Variants in BOK observed in about 807,000 individuals in gnomAD.
BOK encodes BCL2 family apoptosis regulator BOK, also known as bcl-2-related ovarian killer protein.
A neutral mutation model predicts 18.3 loss-of-function variants in BOK; 20 were observed. The ratio of observed to expected loss-of-function variants is 1.09; its 90% CI spans 0.77 to 1.59. The LOEUF is 1.59. Among genes scored for constraint, BOK ranks in the 40% most tolerant of loss-of-function variants. The pLI is 0.00. For missense variants in BOK, 348 were observed against 307.9 expected (o/e 1.13, Z -0.97); for synonymous variants, 173 against 142.4 (o/e 1.21, Z -1.53).
chr2:241,557,444 G>A (rs141528340), upstream of BOK, among the ~76,000 whole-genome samples: 18,587 of 151,144 alleles, frequency 0.12, 1,357 homozygotes, highest in South Asian at 0.23. Flanking sequence ...TTAGTAGCTG[G>A]GATTACAGAC....
chr2:241,569,287 A>G (rs2066666596), intron 3 of BOK, among the ~76,000 whole-genome samples: 1 of 148,632 alleles, frequency 6.7e-6, no homozygotes. Context: ...GCGTGCCACC[A>G]CGCCTGGCTA....
upstream of BOK, among the ~76,000 whole-genome samples, chr2:241,558,484 C>A (rs56390343): frequency 0.43 from 64,770 of 152,190 alleles, 14,882 homozygotes; most frequent in East Asian, 0.68. Context: ...AAGAACACGT[C>A]TCCAGACTCT....
intron 1 of BOK, among the ~76,000 whole-genome samples, chr2:241,552,699 G>A (rs1439356063): frequency 6.6e-6 from 1 of 152,128 alleles, no homozygotes; most frequent in Admixed American, 6.5e-5. Context: ...ACTTTTAAAC[G>A]CTGACACCCA....
At position 241,562,143 on chromosome 2, in the gene BOK, C is replaced by A. The variant is rs2066534413; in HGVS notation, c.221-205C>A. Among the ~76,000 whole-genome samples the A allele has an allele frequency of 6.6e-6, 1 of 152,210 alleles. No homozygotes were observed. The highest frequency in any genetic ancestry group is 1.5e-5 in the Non-Finnish European group (1 of 68,018). ...GGGGCGCCTTCAGTACTTCCTTGGT[C>A]TTCTGGTCCCTAGGGGCCAAGGTTG... is the stretch of plus-strand genomic sequence containing the variant. On this transcript the variant is annotated intron_variant, in intron 2 of 4. Transcript: ENST00000318407. The surrounding 1 kb of genome is among the most constrained non-coding windows in gnomAD (Gnocchi z 4.5).
At chr2:241,560,736 C>T (rs74562536) in intron 2 of BOK, among the ~76,000 whole-genome samples, 24,069 of 152,096 alleles carry the variant, frequency 0.16, 2,566 homozygotes, top group Non-Finnish European at 0.23. Flanking sequence ...CCATGAGATC[C>T]GCCGCCTGCT....
At chr2:241,569,977 C>A in intron 3 of BOK, 148 bp from the exon 4 acceptor site, 1 of 994,066 alleles carries the variant, frequency 1.0e-6, no homozygotes, top group South Asian at 1.8e-5. Context: ...GACAGGCATC[C>A]TGTCAGGGAG....
Position 241,562,306 on chromosome 2 carries a change from TG to T in BOK, c.221-39del. On this transcript the variant is annotated intron_variant, in intron 2 of 4. Coordinates refer to ENST00000318407, the MANE Select transcript of BOK (RefSeq NM_032515.5). The surrounding 1 kb of genome is among the most constrained non-coding windows in gnomAD (Gnocchi z 4.5). ...CCAAGCCAGTCGTGTCCCAGGAAGC[TG>T]GGACGTGGGCTGCCTCTCACCTGCT... The T allele has an allele frequency of 6.4e-7, 1 of 1,550,846 alleles. No homozygotes were observed. The highest frequency in any genetic ancestry group is 8.7e-7 in the Non-Finnish European group (1 of 1,148,256).
chr2:241,571,539 A>C (rs6751180), intron 4 of BOK, among the ~76,000 whole-genome samples: 54,484 of 152,036 alleles, frequency 0.36, 10,420 homozygotes, highest in East Asian at 0.66. Flanking sequence ...GCAGAGGGCA[A>C]TGTCCCAAGA....
At chr2:241,553,176 G>A (rs1387656353) in intron 1 of BOK, among the ~76,000 whole-genome samples, 1 of 151,870 alleles carries the variant, frequency 6.6e-6, no homozygotes, top group Non-Finnish European at 1.5e-5. Context: ...CTGAGATGGA[G>A]TTTCACCCTT....
upstream of BOK, among the ~76,000 whole-genome samples, chr2:241,556,068 T>A (rs2066448016): frequency 6.6e-6 from 1 of 152,210 alleles, no homozygotes; most frequent in Admixed American, 6.5e-5. Context: ...CAGTGACTCC[T>A]TGGGCGAGAT....
rs2066740414 is a variant in BOK at position 241,572,502 on chromosome 2, C to T, written c.*80C>T. On this transcript the variant is annotated 3_prime_UTR_variant, in exon 5 of 5. Transcript: ENST00000318407. ...CCTCAGCACCCGAACACATCTTCCT[C>T]CTCCCCACCCGAGCCTGGAGCACTC... 2 of 1,516,722 alleles carry T rather than the reference C, an allele frequency of 1.3e-6. No homozygotes were observed. The highest frequency in any genetic ancestry group is 1.8e-6 in the Non-Finnish European group (2 of 1,133,674). The allele number at this position is 1,516,722 out of a possible 1,614,324, so 94.0% of individuals were successfully genotyped here. A position where few individuals can be genotyped will look rare whatever the true frequency, so the allele number is the denominator to read the frequency against.
At position 241,573,734 on chromosome 2, in the gene BOK, T is replaced by A. The variant is rs62191739; in HGVS notation, c.*1312T>A. 7,291 of 152,342 alleles carry A rather than the reference T, an allele frequency of 0.048. 205 individuals are homozygous for A. Among genetic ancestry groups the A allele is most frequent in the Middle Eastern group, 0.11 (31 of 294 alleles). 9.4% of individuals were successfully genotyped at this position (152,342 alleles called of 1,614,324 possible). On this transcript the variant is annotated 3_prime_UTR_variant, in exon 5 of 5. Coordinates refer to ENST00000318407, the MANE Select transcript of BOK (RefSeq NM_032515.5). Reference sequence around the variant, plus strand: ...TCTGCTATTTTTGTGCTCATCCTCATACAACCATTTGGGGATGTGCCTATT... The same window carrying A: ...TCTGCTATTTTTGTGCTCATCCTCAAACAACCATTTGGGGATGTGCCTATT...
intron 2 of BOK, among the ~76,000 whole-genome samples, chr2:241,561,904 G>A (rs544131384): frequency 7.0e-4 from 106 of 152,070 alleles, no homozygotes; most frequent in African/African-American, 2.3e-3. Flanking sequence ...CCCTCCCCAC[G>A]TCGGGCTCCC....
chr2:241,551,462 C>T (rs2066413385), exon 1 of BOK: 1 of 152,202 alleles, frequency 6.6e-6, no homozygotes, highest in African/African-American at 2.4e-5. Context: ...CCAGCGCACC[C>T]CATCGCTCAC....
At chr2:241,555,539 C>T (rs2066444419), upstream of BOK, among the ~76,000 whole-genome samples, 2 of 152,178 alleles carry the variant, frequency 1.3e-5, no homozygotes, top group African/African-American at 4.8e-5. Context: ...CCACGCCTGG[C>T]TAATTTTTTG....
At chr2:241,566,527 C>T (rs553670799) in intron 3 of BOK, among the ~76,000 whole-genome samples, 2 of 152,184 alleles carry the variant, frequency 1.3e-5, no homozygotes, top group South Asian at 4.1e-4. Flanking sequence ...GTCAACCAGG[C>T]TGGTCTCGAA....
At chr2:241,569,893 C>T (rs992672175) in intron 3 of BOK, among the ~76,000 whole-genome samples, 1 of 152,200 alleles carries the variant, frequency 6.6e-6, no homozygotes, top group African/African-American at 2.4e-5. Flanking sequence ...GTTGTCCCTG[C>T]GGCCTCCTGC....
chr2:241,554,293 G>A (rs1465769644), upstream of BOK, among the ~76,000 whole-genome samples: 1 of 151,614 alleles, frequency 6.6e-6, no homozygotes, highest in African/African-American at 2.4e-5. Context: ...GAGGAGCCAT[G>A]AGGAGGTGAA....
Position 241,562,372 on chromosome 2 carries a change from C to T in BOK, c.245C>T (p.Pro82Leu), listed in dbSNP as rs987721145. The T allele has an allele frequency of 3.2e-5, 52 of 1,609,752 alleles. No individual in the cohort carries two copies. The highest frequency in any genetic ancestry group is 4.2e-5 in the Non-Finnish European group (49 of 1,178,830). ...GGCGATGAGCTGGAGATGATCCGGC[C>T]CAGCGTCTACCGCAACGTGGCGCGT... ...RLGDELEMIR[P>L]SVYRNVARQL... The change falls in exon 3 of 5, where the codon CCC (proline) becomes CTC (leucine). Residue 82 changes from proline to leucine, a missense_variant. Transcript: ENST00000318407. The surrounding 1 kb of genome is among the most constrained non-coding windows in gnomAD (Gnocchi z 4.5).
Sources: allele counts gnomAD v4.1 joint callset (sites outside exome capture counted in the v4.1 genomes callset), GRCh38; gene constraint gnomAD v4.1.1; non-coding constraint Gnocchi (gnomAD v3.1); transcripts MANE v1.5; gene names NCBI Gene and HGNC (gene_info 2026-07-23, HGNC 2026-07-21).